PPA2: variants seen among roughly 807,000 people sequenced by gnomAD.
The protein encoded by PPA2 is inorganic pyrophosphatase 2, mitochondrial.
PPA2 carries 48 observed loss-of-function variants against 49.5 expected under a neutral mutation model. That is an observed-to-expected ratio of 0.97 (90% CI 0.77 to 1.23). The LOEUF is 1.23. PPA2 is among the 50% of genes most tolerant of loss of function. The pLI is 0.00. For synonymous variants in PPA2, 131 were observed against 139.9 expected (o/e 0.94, Z 0.45); for missense variants, 429 against 410.1 (o/e 1.05, Z -0.40).
intron 10 of PPA2, among the ~76,000 whole-genome samples, chr4:105,385,481 A>C (rs1318125405): frequency 6.6e-6 from 1 of 152,170 alleles, no homozygotes; most frequent in African/African-American, 2.4e-5. Flanking sequence ...AAGCAGCCAC[A>C]GTGATCAACT....
intron 1 of PPA2, among the ~76,000 whole-genome samples, chr4:105,469,546 T>C (rs1252586144): frequency 6.6e-6 from 1 of 152,204 alleles, no homozygotes; most frequent in Non-Finnish European, 1.5e-5. Context: ...ATAGAGATTC[T>C]TACTGGAAGC....
At chr4:105,455,150 C>T (rs1722828447) in intron 2 of PPA2, among the ~76,000 whole-genome samples, 1 of 152,162 alleles carries the variant, frequency 6.6e-6, no homozygotes, top group African/African-American at 2.4e-5. Context: ...AGAACAGTGC[C>T]TGGCTCATAA....
At chr4:105,420,296 C>G (rs533999545) in intron 7 of PPA2, among the ~76,000 whole-genome samples, 13 of 152,010 alleles carry the variant, frequency 8.6e-5, no homozygotes, top group Admixed American at 8.5e-4. Flanking sequence ...TTTATAGAAA[C>G]GAAGTCACAC....
intron 6 of PPA2, among the ~76,000 whole-genome samples, chr4:105,437,600 CATAAAATA>C (rs1195751830): frequency 5.9e-5 from 9 of 152,200 alleles, no homozygotes; most frequent in Admixed American, 3.3e-4. Context: ...AGATGGTAGA[CATAAAATA>C]ATAAAATAAT....
intron 1 of PPA2, 86 bp downstream of exon 1, chr4:105,473,808 C>T: frequency 6.5e-7 from 1 of 1,527,580 alleles, no homozygotes; most frequent in Non-Finnish European, 8.9e-7. Flanking sequence ...AGGGAGACCG[C>T]GCGGGGCGTC....
chr4:105,458,726 G>A (rs2110320263), intron 1 of PPA2, among the ~76,000 whole-genome samples: 1 of 149,004 alleles, frequency 6.7e-6, no homozygotes, highest in South Asian at 2.1e-4. Flanking sequence ...GGAAGCTGAG[G>A]CAGGAGAATA....
chr4:105,473,478 A>G, intron 1 of PPA2: 1 of 411,326 alleles, frequency 2.4e-6, no homozygotes, highest in South Asian at 1.8e-5. Context: ...TTACGCCTCT[A>G]GGAAGGCCGG....
At chr4:105,462,057 T>C (rs893840393) in intron 1 of PPA2, among the ~76,000 whole-genome samples, 2 of 152,258 alleles carry the variant, frequency 1.3e-5, no homozygotes, top group Non-Finnish European at 2.9e-5. Context: ...TTTAAAGATA[T>C]GTAGTATCTA....
intron 7 of PPA2, among the ~76,000 whole-genome samples, chr4:105,419,314 C>G (rs188886611): frequency 9.2e-5 from 14 of 152,162 alleles, no homozygotes; most frequent in African/African-American, 2.2e-4. Context: ...CCGCTCCCCC[C>G]ACCCCACAAC....
intron 4 of PPA2, 97 bp from the exon 5 acceptor site, chr4:105,446,599 A>C (rs1722396621): frequency 7.4e-7 from 1 of 1,347,630 alleles, no homozygotes; most frequent in East Asian, 2.5e-5. Context: ...TTTCAGACTA[A>C]ACATTCATAT....
In PPA2 at chr4:105,424,239, T is replaced by G; in HGVS notation, c.612A>C (p.Leu204Phe). The G allele has an allele frequency of 6.2e-7, 1 of 1,610,060 alleles. No homozygotes were observed. Among genetic ancestry groups the G allele is most frequent in the Non-Finnish European group, 8.5e-7 (1 of 1,179,022 alleles). Residue 204 changes from leucine (L) to phenylalanine (F), a missense_variant, in exon 7 of 12, where the codon TTA becomes TTC. Leu to Phe is a conservative substitution (Grantham distance 22). Coordinates refer to ENST00000341695, the MANE Select transcript of PPA2 (RefSeq NM_176869.3). ...CAGGATCATTCGCATTGATAGCAAT[T>G]AATTTCCAATCTGTTTCACCTTCAT... ...LIDEGETDWK[L>F]IAINANDPEA... is the part of the protein sequence containing the mutation.
intron 7 of PPA2, among the ~76,000 whole-genome samples, chr4:105,401,746 T>C (rs1722201161): frequency 6.6e-6 from 1 of 152,228 alleles, no homozygotes; most frequent in Non-Finnish European, 1.5e-5. Flanking sequence ...GTTTCTAATT[T>C]TGATTACAAA....
chr4:105,458,763 G>A (rs111596247), intron 1 of PPA2, among the ~76,000 whole-genome samples: 7,814 of 146,734 alleles, frequency 0.053, 320 homozygotes, highest in African/African-American at 0.11. Context: ...CGGAGGTTGC[G>A]GTGAGCCGAA....
intron 1 of PPA2, among the ~76,000 whole-genome samples, chr4:105,461,086 T>A (rs1041166133): frequency 3.9e-5 from 6 of 152,188 alleles, no homozygotes; most frequent in Non-Finnish European, 7.3e-5. Context: ...ATGGGCAATA[T>A]ATCTATAAAT....
intron 6 of PPA2, among the ~76,000 whole-genome samples, chr4:105,426,972 A>G (rs1207979128): frequency 6.6e-6 from 1 of 152,196 alleles, no homozygotes; most frequent in Admixed American, 6.5e-5. Context: ...GACACCTCAT[A>G]TAGATAGGTG....
intron 6 of PPA2, among the ~76,000 whole-genome samples, chr4:105,428,869 T>C (rs879703181): frequency 6.6e-6 from 1 of 152,100 alleles, no homozygotes; most frequent in African/African-American, 2.4e-5. Context: ...GAAGAAACCA[T>C]GAACAACAGG....
chr4:105,379,047 G>A (rs1733369509), intron 10 of PPA2, among the ~76,000 whole-genome samples: 1 of 151,978 alleles, frequency 6.6e-6, no homozygotes, highest in Non-Finnish European at 1.5e-5. Flanking sequence ...GAATTTGATG[G>A]ACATTGGACT....
Position 105,453,787 on chromosome 4 carries a change from C to A in PPA2, c.223-145G>T, listed in dbSNP as rs1001038559. 6 of 519,960 alleles carry A rather than the reference C, an allele frequency of 1.2e-5. No homozygotes were observed. In the African/African-American group the frequency reaches 1.2e-4, roughly 10 times the overall value. 32.2% of individuals were successfully genotyped at this position (519,960 alleles called of 1,614,324 possible). A position where few individuals can be genotyped will look rare whatever the true frequency, so the allele number is the denominator to read the frequency against. The stretch of plus-strand genomic sequence containing the variant: ...GAGTCAACAGAGAACCTACCAAATG[C>A]CCACTTCGTTCTCCCCTGAGCATTT... On this transcript the variant is annotated intron_variant, in intron 2 of 11. Transcript: ENST00000341695.
intron 3 of PPA2, among the ~76,000 whole-genome samples, chr4:105,450,853 C>T (rs1186780445): frequency 1.3e-5 from 2 of 152,056 alleles, no homozygotes; most frequent in African/African-American, 4.8e-5. Context: ...GTGATCCGCC[C>T]ACCTCGGCCT....
Sources: gnomAD v4.1 joint callset for allele counts (sites outside exome capture counted in the v4.1 genomes callset) on GRCh38, gnomAD v4.1.1 for gene constraint, MANE v1.5 for transcripts, NCBI Gene and HGNC (gene_info 2026-07-23, HGNC 2026-07-21) for gene names.